Variants in TDRD7 observed in about 807,000 individuals in gnomAD.
The protein encoded by TDRD7 is tudor domain containing 7.
TDRD7 carries 47 observed loss-of-function variants against 109.8 expected under a neutral mutation model. The observed-to-expected ratio is 0.43, with a 90% confidence interval of 0.34 to 0.55. The LOEUF is 0.55. Ranked by LOEUF, TDRD7 falls within the 20% of genes least tolerant of loss-of-function variation. The pLI is 0.03. For missense variants in TDRD7, 1,164 were observed against 1,319.2 expected (o/e 0.88, Z 1.82); for synonymous variants, 424 against 457.3 (o/e 0.93, Z 0.93).
At chr9:97,428,871 A>G (rs1828053068) in intron 2 of TDRD7, among the ~76,000 whole-genome samples, 199 bp downstream of exon 2, 1 of 152,222 alleles carries the variant, frequency 6.6e-6, no homozygotes, top group Non-Finnish European at 1.5e-5. Context: ...AATTCTTTTC[A>G]TTGTAAAAAT....
chr9:97,475,156 G>T (rs1226748888), intron 11 of TDRD7, among the ~76,000 whole-genome samples: 1 of 152,154 alleles, frequency 6.6e-6, no homozygotes, highest in Non-Finnish European at 1.5e-5. Flanking sequence ...TAACAATGCT[G>T]ATTTATGAGC....
intron 1 of TDRD7, among the ~76,000 whole-genome samples, chr9:97,416,696 T>C (rs1443817992): frequency 6.6e-6 from 1 of 152,214 alleles, no homozygotes; most frequent in Non-Finnish European, 1.5e-5. Flanking sequence ...TTGCAGATAA[T>C]TTTTTAGTAA....
chr9:97,484,777 A>C (rs577349129), intron 15 of TDRD7, among the ~76,000 whole-genome samples: 1 of 152,230 alleles, frequency 6.6e-6, no homozygotes, highest in Non-Finnish European at 1.5e-5. Flanking sequence ...CCTCAATCAG[A>C]GCTCTTTGTA....
At chr9:97,485,644 A>G (rs1159215966) in intron 15 of TDRD7, among the ~76,000 whole-genome samples, 2 of 152,226 alleles carry the variant, frequency 1.3e-5, no homozygotes, top group African/African-American at 2.4e-5. Context: ...TCTTATTTAT[A>G]GTAGCTTGTC....
At chr9:97,421,246 A>G (rs1381020068) in intron 1 of TDRD7, among the ~76,000 whole-genome samples, 1 of 152,114 alleles carries the variant, frequency 6.6e-6, no homozygotes, top group East Asian at 1.9e-4. Context: ...AGCACTTCGT[A>G]TTGTCAGTTT....
chr9:97,422,711 C>G (rs1010898174), intron 1 of TDRD7, among the ~76,000 whole-genome samples: 6 of 150,158 alleles, frequency 4.0e-5, no homozygotes, highest in Non-Finnish European at 5.9e-5. Context: ...CCATTTTATT[C>G]TAATATTCTG....
At position 97,430,716 on chromosome 9, in the gene TDRD7, T is replaced by C. The variant is rs368333572; in HGVS notation, c.208-217T>C. On this transcript the variant is annotated intron_variant, in intron 2 of 16. Coordinates refer to ENST00000355295, the MANE Select transcript of TDRD7 (RefSeq NM_014290.3). ...ATTTAAAAATAAATGGAATTTTCAG[T>C]TTAGGAAAGATAATTCAATGTACTA... Among the ~76,000 whole-genome samples, 9 of 152,162 alleles carry C rather than the reference T, an allele frequency of 5.9e-5. No individual in the cohort carries two copies. In the East Asian group the frequency reaches 1.5e-3, roughly 26 times the overall value.
At chr9:97,493,698 TC>T (rs1233578100) in intron 16 of TDRD7, among the ~76,000 whole-genome samples, 1 of 152,158 alleles carries the variant, frequency 6.6e-6, no homozygotes, top group Non-Finnish European at 1.5e-5. Context: ...GCTTATTTCA[TC>T]CCTACAGCAG....
rs1257305014 is a variant in TDRD7 at position 97,441,717 on chromosome 9, A to G, written c.697A>G (p.Lys233Glu). ...NVKPPASYTYKMDEVQNRIKE... is the reference protein window; with the variant it reads ...NVKPPASYTYEMDEVQNRIKE... ...CAAGCCTCCTGCCTCTTACACTTAT[A>G]AAATGGATGAGGTTCAAAATCGCAT... is the stretch of plus-strand genomic sequence containing the variant. Residue 233 changes from lysine (K) to glutamate (E), a missense_variant, in exon 6 of 17, where the codon AAA becomes GAA. This residue lies in a region of TDRD7 where 407 missense variants were observed against 394.0 expected (regional missense o/e 1.03). Transcript: ENST00000355295. 7.4e-6 allele frequency: 12 copies of G among 1,613,534 alleles called. No individual in the cohort carries two copies. The Admixed American group carries it at 1.8e-4, about 25-fold the overall frequency.
At chr9:97,490,283 G>A (rs922359226) in intron 16 of TDRD7, among the ~76,000 whole-genome samples, 9 of 152,142 alleles carry the variant, frequency 5.9e-5, no homozygotes, top group Non-Finnish European at 1.2e-4. Flanking sequence ...TTGTTTGTCT[G>A]AGAGTCTGTA....
intron 6 of TDRD7, among the ~76,000 whole-genome samples, chr9:97,451,827 A>C (rs1162315727): frequency 1.3e-5 from 2 of 152,188 alleles, no homozygotes; most frequent in Non-Finnish European, 2.9e-5. Flanking sequence ...GAGTTGGTGG[A>C]ATTCAGCTGA....
In TDRD7 at chr9:97,460,571, G is replaced by C; in HGVS notation, c.1249G>C (p.Ala417Pro). The change falls in exon 7 of 17, where the codon GCA becomes CCA. Residue 417 changes from alanine (A) to proline (P), a missense_variant. Transcript: ENST00000355295. Reference protein sequence around the residue: ...PLPTDKIQKDAGQAHGDNDIK... With the variant: ...PLPTDKIQKDPGQAHGDNDIK... The stretch of plus-strand genomic sequence containing the variant: ...GCCCACTGACAAAATCCAAAAGGAT[G>C]CAGGGCAAGCACATGGTGATAATGA... 4 of 1,614,188 alleles carry C rather than the reference G, an allele frequency of 2.5e-6. No homozygotes were observed. The highest frequency in any genetic ancestry group is 3.4e-6 in the Non-Finnish European group (4 of 1,180,038).
chr9:97,436,629 A>G (rs190382698), intron 4 of TDRD7, among the ~76,000 whole-genome samples: 136 of 152,284 alleles, frequency 8.9e-4, no homozygotes, highest in Non-Finnish European at 1.6e-3. Flanking sequence ...TTATGTTTAG[A>G]AAAGCATTTC....
intron 7 of TDRD7, among the ~76,000 whole-genome samples, chr9:97,461,569 A>G (rs1251125208): frequency 6.6e-6 from 1 of 152,238 alleles, no homozygotes; most frequent in Non-Finnish European, 1.5e-5. Flanking sequence ...GTAGCTAACA[A>G]TAACTAGAAT....
intron 2 of TDRD7, 117 bp from the exon 3 acceptor site, chr9:97,430,816 T>C (rs1220127744): frequency 1.6e-6 from 2 of 1,228,086 alleles, no homozygotes; most frequent in Non-Finnish European, 2.4e-6. Flanking sequence ...CATGAATATT[T>C]GCATACCACT....
In TDRD7 at chr9:97,464,881, G is replaced by A; in HGVS notation, c.1482G>A (p.Met494Ile). 1.9e-6 allele frequency: 3 copies of A among 1,614,142 alleles called. No homozygotes were observed. The highest frequency in any genetic ancestry group is 2.5e-6 in the Non-Finnish European group (3 of 1,180,022). ...ACTATTCTGCTGCTCAGGAATTAAT[G>A]GAAGATGAGATGAAGGAATATTACA... is the stretch of plus-strand genomic sequence containing the variant. ...GKDYSAAQEL[M>I]EDEMKEYYSK... Residue 494 changes from methionine to isoleucine, a missense_variant, in exon 8 of 17, where the codon ATG becomes ATA. By Grantham distance (10) the Met-to-Ile change is conservative. Around this residue, in one of 5 missense-constraint regions of TDRD7, gnomAD observed 261 missense variants for 336.2 expected, o/e 0.78. Coordinates refer to ENST00000355295, the MANE Select transcript of TDRD7 (RefSeq NM_014290.3).
At chr9:97,491,913 C>T (rs895795526) in intron 16 of TDRD7, among the ~76,000 whole-genome samples, 14 of 152,296 alleles carry the variant, frequency 9.2e-5, no homozygotes, top group African/African-American at 3.4e-4. Context: ...GTAAAACTCT[C>T]AAAAGTGTGG....
At chr9:97,472,521 T>G in intron 10 of TDRD7, 26 bp downstream of exon 10, 1 of 1,573,708 alleles carries the variant, frequency 6.4e-7, no homozygotes, top group Non-Finnish European at 8.7e-7. Context: ...CTGTTGTTGC[T>G]TGTTACACAT....
chr9:97,425,736 T>A (rs1827981092), intron 1 of TDRD7, among the ~76,000 whole-genome samples: 1 of 152,210 alleles, frequency 6.6e-6, no homozygotes, highest in African/African-American at 2.4e-5. Flanking sequence ...TGAAAAGAGT[T>A]AATGTTTAGT....
Sources: allele counts gnomAD v4.1 joint callset (sites outside exome capture counted in the v4.1 genomes callset), GRCh38; gene constraint gnomAD v4.1.1; regional missense constraint gnomAD v4.1.1; transcripts MANE v1.5; gene names NCBI Gene and HGNC (gene_info 2026-07-23, HGNC 2026-07-21).